PHACTR4: variants seen among roughly 807,000 people sequenced by gnomAD.
The protein encoded by PHACTR4 is phosphatase and actin regulator 4, also known as protein phosphatase 1, regulatory subunit 124.
PHACTR4 carries 51 observed loss-of-function variants against 72.7 expected under a neutral mutation model. That is an observed-to-expected ratio of 0.70 (90% CI 0.56 to 0.89). The LOEUF (loss-of-function observed/expected upper bound fraction) is 0.89. Ranked by LOEUF, PHACTR4 falls within the 40% of genes least tolerant of loss-of-function variation. The probability of loss-of-function intolerance (pLI) is 0.00; values close to 1 mark genes in which losing one functional copy is unlikely to be tolerated. For synonymous variants in PHACTR4, 255 were observed against 302.5 expected, an observed-to-expected ratio of 0.84 and a Z score of 1.63; for missense variants, 731 against 861.8, an observed-to-expected ratio of 0.85 and a Z score of 1.90.
chr1:28,477,467 C>G (rs1410002272), intron 8 of PHACTR4, among the ~76,000 whole-genome samples: 1 of 151,908 alleles, frequency 6.6e-6, no homozygotes, highest in Non-Finnish European at 1.5e-5. Flanking sequence ...GCCACCGTGC[C>G]TAGCCTATTT....
rs185784026 is a variant in PHACTR4, at chr1:28,467,637, G to A, written c.823+869G>A. On this transcript the variant is annotated intron_variant, in intron 6 of 13. Coordinates refer to ENST00000373839, the MANE Select transcript of PHACTR4 (RefSeq NM_001048183.3). Reference sequence around the variant, plus strand: ...TTCTGTAGATGCCAGTGGAATTTGGGATTCAGTGTCTGGCATAGTTATCTT... The same window carrying A: ...TTCTGTAGATGCCAGTGGAATTTGGAATTCAGTGTCTGGCATAGTTATCTT... 3.0e-3 allele frequency among the ~76,000 whole-genome samples: 462 copies of A among 152,290 alleles called. 1 individual carries two copies. Among genetic ancestry groups the A allele is most frequent in the Middle Eastern group, 6.8e-3 (2 of 294 alleles).
chr1:28,409,083 A>G (rs913775866), intron 2 of PHACTR4, among the ~76,000 whole-genome samples: 2 of 151,622 alleles, frequency 1.3e-5, no homozygotes, highest in Middle Eastern at 3.4e-3. Flanking sequence ...CTTTTTGGCG[A>G]TAAAGTCATT....
At chr1:28,387,767 G>A (rs966456148) in intron 1 of PHACTR4, among the ~76,000 whole-genome samples, 2 of 150,578 alleles carry the variant, frequency 1.3e-5, no homozygotes, top group African/African-American at 4.9e-5. Context: ...TTGTTCTGTC[G>A]CCCAGGCTGG....
chr1:28,371,398 G>T (rs975706136), intron 1 of PHACTR4, among the ~76,000 whole-genome samples: 1 of 152,102 alleles, frequency 6.6e-6, no homozygotes, highest in Non-Finnish European at 1.5e-5. Context: ...AGGTTGAAGC[G>T]ATTCTCCTGC....
intron 2 of PHACTR4, among the ~76,000 whole-genome samples, chr1:28,457,477 C>T (rs1477385762): frequency 2.0e-5 from 3 of 151,886 alleles, no homozygotes; most frequent in African/African-American, 7.3e-5. Flanking sequence ...ATGGTACATG[C>T]TTATAGTCCT....
rs575840519 is a variant in PHACTR4 at position 28,407,619 on chromosome 1, ATATATT to A, written c.16+159_16+164del. On this transcript the variant is annotated intron_variant, in intron 2 of 13. Transcript: ENST00000373839. ...TTTTTGCTTCTATAAGAATTCAGTTATATATTTAATGATAGAGTGCCAATTACCTTT... is the reference window on the plus strand; with the variant it reads ...TTTTTGCTTCTATAAGAATTCAGTTATAATGATAGAGTGCCAATTACCTTT... 1.3e-3 allele frequency among the ~76,000 whole-genome samples: 202 copies of A among 152,324 alleles called. 1 individual carries two copies. The highest frequency in any genetic ancestry group is 4.7e-3 in the African/African-American group (196 of 41,570).
chr1:28,476,290 G>A lies in PHACTR4; in HGVS notation c.1605G>A (p.Gln535=). 2 of 1,586,178 alleles carry A rather than the reference G, an allele frequency of 1.3e-6. No individual in the cohort carries two copies. The highest frequency in any genetic ancestry group is 1.7e-6 in the Non-Finnish European group (2 of 1,171,050). Residue 535 remains glutamine, a splice_region_variant and synonymous_variant, in exon 8 of 14, where the codon CAG becomes CAA. Transcript: ENST00000373839. ...AAGAAGATGAAGATGAAAGCTATCAGAGTAAGAAAGGGAGGGAAAAGCAAA... is the reference window on the plus strand; with the variant it reads ...AAGAAGATGAAGATGAAAGCTATCAAAGTAAGAAAGGGAGGGAAAAGCAAA... ...RDEEDEDESY[Q]SALANKVKRK... is the part of the protein sequence containing the mutation.
chr1:28,460,434 C>T lies in PHACTR4; in HGVS notation c.271+142C>T, dbSNP rs868043702. The T allele has an allele frequency of 4.8e-5, 28 of 588,934 alleles. 1 individual carries two copies. In the Middle Eastern group the frequency reaches 1.1e-3, roughly 23 times the overall value. The allele number at this position is 588,934 out of a possible 1,614,324, so 36.5% of individuals were successfully genotyped here. ...GTGGCCTTTAAAAAAAAAAGTTCAC[C>T]CTTCCTTCCTTGGGGCAAACATTCC... On this transcript the variant is annotated intron_variant, in intron 4 of 13. Coordinates refer to ENST00000373839, the MANE Select transcript of PHACTR4 (RefSeq NM_001048183.3).
chr1:28,477,417 C>T lies in PHACTR4; in HGVS notation c.1606+1126C>T, dbSNP rs572943167. On this transcript the variant is annotated intron_variant, in intron 8 of 13. Coordinates refer to ENST00000373839, the MANE Select transcript of PHACTR4 (RefSeq NM_001048183.3). ...TGAACTCCTGACCTCATGTGATCCC[C>T]CTGCCTTGACCTCCCAAAGCTCTAG... 1.1e-3 allele frequency among the ~76,000 whole-genome samples: 161 copies of T among 151,842 alleles called. 1 individual carries two copies. The highest frequency in any genetic ancestry group is 3.7e-3 in the African/African-American group (154 of 41,404).
chr1:28,383,466 T>G (rs972214015), intron 1 of PHACTR4, among the ~76,000 whole-genome samples: 8 of 152,204 alleles, frequency 5.3e-5, no homozygotes, highest in Non-Finnish European at 8.8e-5. Flanking sequence ...ACAATATTGA[T>G]TCTTCCTATC....
intron 2 of PHACTR4, among the ~76,000 whole-genome samples, chr1:28,433,544 G>A (rs1307603942): frequency 7.3e-6 from 1 of 137,882 alleles, no homozygotes; most frequent in African/African-American, 2.8e-5. Context: ...TGCAACCTCT[G>A]CCTCCCAGGT....
chr1:28,399,033 T>C (rs959426806), intron 1 of PHACTR4, among the ~76,000 whole-genome samples: 1 of 151,878 alleles, frequency 6.6e-6, no homozygotes, highest in Non-Finnish European at 1.5e-5. Flanking sequence ...TAGGAAAGGC[T>C]GGGTGCGGTG....
At chr1:28,390,522 G>T (rs2124189614) in intron 1 of PHACTR4, among the ~76,000 whole-genome samples, 1 of 152,090 alleles carries the variant, frequency 6.6e-6, no homozygotes, top group African/African-American at 2.4e-5. Flanking sequence ...GGGCATGGTG[G>T]TTCATGCCTG....
chr1:28,388,413 A>C (rs1399212606), intron 1 of PHACTR4, among the ~76,000 whole-genome samples: 1 of 152,214 alleles, frequency 6.6e-6, no homozygotes, highest in African/African-American at 2.4e-5. Context: ...AAGTCCACGT[A>C]GGTATGGTCA....
chr1:28,391,775 T>C (rs371809245), intron 1 of PHACTR4, among the ~76,000 whole-genome samples: 4 of 151,800 alleles, frequency 2.6e-5, no homozygotes, highest in East Asian at 1.9e-4. Context: ...CCAGCTAATT[T>C]TTTGTATTTT....
rs150840919 is a variant in PHACTR4 at position 28,439,672 on chromosome 1, C to A, written c.17-19413C>A. 9.0e-3 allele frequency among the ~76,000 whole-genome samples: 1,364 copies of A among 152,284 alleles called. 20 individuals are homozygous for A. Among genetic ancestry groups the A allele is most frequent in the African/African-American group, 0.031 (1,303 of 41,548 alleles). On this transcript the variant is annotated intron_variant, in intron 2 of 13. Coordinates refer to ENST00000373839, the MANE Select transcript of PHACTR4 (RefSeq NM_001048183.3). ...GAATCATCTGGGGCCACTCCCCAGC[C>A]TAACAGATGAAATTTAGAACATAAA...
chr1:28,419,819 T>G (rs1655395480), intron 2 of PHACTR4, among the ~76,000 whole-genome samples: 1 of 152,226 alleles, frequency 6.6e-6, no homozygotes, highest in Non-Finnish European at 1.5e-5. Flanking sequence ...ATTGATAACA[T>G]TAAGACACAT....
At chr1:28,452,876 T>C (rs1658076706) in intron 2 of PHACTR4, among the ~76,000 whole-genome samples, 1 of 152,154 alleles carries the variant, frequency 6.6e-6, no homozygotes, top group Non-Finnish European at 1.5e-5. Flanking sequence ...CCCAGCACTT[T>C]GGGAGGCCAA....
intron 2 of PHACTR4, chr1:28,433,169 A>C (rs1160115225): frequency 2.5e-6 from 2 of 807,336 alleles, no homozygotes; most frequent in African/African-American, 3.7e-5. Flanking sequence ...TTATTAGCTA[A>C]CAAATAACAA....
Sources: gnomAD v4.1 joint callset for allele counts (sites outside exome capture counted in the v4.1 genomes callset) on GRCh38, gnomAD v4.1.1 for gene constraint, MANE v1.5 for transcripts, NCBI Gene and HGNC (gene_info 2026-07-23, HGNC 2026-07-21) for gene names.